GRM8: variants seen among roughly 807,000 people sequenced by gnomAD.
GRM8 encodes metabotropic glutamate receptor 8.
In GRM8, 47 loss-of-function variants were observed where a neutral mutation model predicts 87.2. The ratio of observed to expected loss-of-function variants is 0.54; its 90% CI spans 0.43 to 0.69. GRM8 has a LOEUF of 0.69. GRM8 is among the 30% of genes least tolerant of loss of function. The pLI, the probability that GRM8 is intolerant of heterozygous loss-of-function variation, is 0.00. For synonymous variants in GRM8, 396 were observed against 404.5 expected, an observed-to-expected ratio of 0.98 and a Z score of 0.25; for missense variants, 1,019 against 1,139.2, an observed-to-expected ratio of 0.89 and a Z score of 1.52.
intron 2 of GRM8, among the ~76,000 whole-genome samples, chr7:127,205,033 G>A (rs947017494): frequency 2.0e-4 from 30 of 152,298 alleles, no homozygotes; most frequent in Admixed American, 4.6e-4. Context: ...AATAGCCTTC[G>A]CCTTTTCCAT....
At chr7:126,458,286 T>A (rs886123944) in intron 9 of GRM8, among the ~76,000 whole-genome samples, 8 of 151,336 alleles carry the variant, frequency 5.3e-5, no homozygotes, top group Admixed American at 2.0e-4. Flanking sequence ...TGATTTTAAA[T>A]TGTATTCTCA....
intron 2 of GRM8, among the ~76,000 whole-genome samples, chr7:127,238,032 C>A (rs138440438): frequency 6.6e-6 from 1 of 152,048 alleles, no homozygotes; most frequent in Non-Finnish European, 1.5e-5. Context: ...TTTCCAAAGA[C>A]CCTCTCCTTT....
At chr7:127,114,908 C>T (rs1162182726) in intron 2 of GRM8, among the ~76,000 whole-genome samples, 1 of 152,042 alleles carries the variant, frequency 6.6e-6, no homozygotes, top group Admixed American at 6.6e-5. Flanking sequence ...GGACTATTTT[C>T]AAGGCAGGAG....
At chr7:126,591,849 CT>C in intron 8 of GRM8, among the ~76,000 whole-genome samples, 1 of 151,130 alleles carries the variant, frequency 6.6e-6, no homozygotes, top group East Asian at 1.9e-4. Context: ...GAGTTGGTTT[CT>C]GGAAAAGATT....
At chr7:126,870,891 A>T (rs1467753726) in intron 6 of GRM8, among the ~76,000 whole-genome samples, 2 of 152,126 alleles carry the variant, frequency 1.3e-5, no homozygotes, top group African/African-American at 4.8e-5. Flanking sequence ...AAATGCAAAA[A>T]CTGCAAAGTA....
rs1811478660 is a variant in GRM8 at position 126,714,314 on chromosome 7, TAATAATAATAAA to T, written c.1357+55539_1357+55550del. ...ATAATAATAATAATAATAATAATAA[TAATAATAATAAA>T]TAGTATCTACCTACAAAGTGCTTAC... On this transcript the variant is annotated intron_variant, in intron 7 of 10. Coordinates refer to ENST00000339582, the MANE Select transcript of GRM8 (RefSeq NM_000845.3). Among the ~76,000 whole-genome samples, 3 of 146,638 alleles carry T rather than the reference TAATAATAATAAA, an allele frequency of 2.0e-5. No homozygotes were observed. The South Asian group carries it at 6.4e-4, about 31-fold the overall frequency.
At chr7:127,199,709 G>A (rs1272136801) in intron 2 of GRM8, among the ~76,000 whole-genome samples, 1 of 152,134 alleles carries the variant, frequency 6.6e-6, no homozygotes, top group Admixed American at 6.5e-5. Context: ...GATGCAAATT[G>A]TGCCTCCTTT....
At chr7:126,936,014 C>A (rs968744266) in intron 3 of GRM8, among the ~76,000 whole-genome samples, 2 of 152,162 alleles carry the variant, frequency 1.3e-5, no homozygotes, top group Admixed American at 6.5e-5. Context: ...CAAACATTAC[C>A]ACTACCAAGC....
intron 9 of GRM8, among the ~76,000 whole-genome samples, chr7:126,530,178 A>T (rs774134612): frequency 6.6e-6 from 1 of 152,224 alleles, no homozygotes; most frequent in Non-Finnish European, 1.5e-5. Context: ...AAACTTTTCA[A>T]CTAAGTTTAG....
chr7:126,792,254 G>T lies in GRM8; in HGVS notation c.1157-22189C>A, dbSNP rs969342092. On this transcript the variant is annotated intron_variant, in intron 6 of 10. Coordinates refer to ENST00000339582, the MANE Select transcript of GRM8 (RefSeq NM_000845.3). The stretch of plus-strand genomic sequence containing the variant: ...TAAAAGAACATCACGGTGAATGCTT[G>T]TGCTCTCTTTTAACCAATAGCTATT... Among the ~76,000 whole-genome samples, 3 of 152,304 alleles carry T rather than the reference G, an allele frequency of 2.0e-5. No individual in the cohort carries two copies. The East Asian group carries it at 5.8e-4, about 29-fold the overall frequency.
intron 2 of GRM8, among the ~76,000 whole-genome samples, chr7:127,198,276 A>G (rs1290088810): frequency 1.9e-4 from 29 of 152,194 alleles, no homozygotes; most frequent in Non-Finnish European, 4.0e-4. Flanking sequence ...TTACTGTGCT[A>G]TTGAATACTA....
In GRM8 at chr7:126,640,432, G is replaced by C. The variant is rs116542504; in HGVS notation, c.1358-30934C>G. ...TTATTTTCTAGAATTATATCAATGAGCTAGATTGATGTTTGAGATGAAATC... is the reference window on the plus strand; with the variant it reads ...TTATTTTCTAGAATTATATCAATGACCTAGATTGATGTTTGAGATGAAATC... On this transcript the variant is annotated intron_variant, in intron 7 of 10. Transcript: ENST00000339582. 6.7e-3 allele frequency among the ~76,000 whole-genome samples: 1,026 copies of C among 152,280 alleles called. 13 individuals carry two copies. The highest frequency in any genetic ancestry group is 0.023 in the African/African-American group (973 of 41,568).
chr7:126,518,879 G>C (rs1443942716), intron 9 of GRM8, among the ~76,000 whole-genome samples: 1 of 151,956 alleles, frequency 6.6e-6, no homozygotes, highest in Non-Finnish European at 1.5e-5. Flanking sequence ...CTTGAGGTAA[G>C]AGGACAAGAT....
chr7:126,688,917 T>C (rs1011768683), intron 7 of GRM8, among the ~76,000 whole-genome samples: 2 of 152,184 alleles, frequency 1.3e-5, no homozygotes, highest in African/African-American at 4.8e-5. Context: ...TTTTTGATGG[T>C]GTTACAGTGC....
chr7:127,199,081 T>C (rs1022288146), intron 2 of GRM8, among the ~76,000 whole-genome samples: 1 of 152,072 alleles, frequency 6.6e-6, no homozygotes, highest in African/African-American at 2.4e-5. Flanking sequence ...CCTCAGGTGA[T>C]CCATCTGCCT....
At chr7:126,578,514 C>A (rs544161438) in intron 8 of GRM8, among the ~76,000 whole-genome samples, 1 of 152,238 alleles carries the variant, frequency 6.6e-6, no homozygotes, top group South Asian at 2.1e-4. Flanking sequence ...AGGGCAGAGG[C>A]AGCCACAAAG....
At chr7:126,762,446 A>G (rs1299341654) in intron 7 of GRM8, among the ~76,000 whole-genome samples, 1 of 152,004 alleles carries the variant, frequency 6.6e-6, no homozygotes, top group Non-Finnish European at 1.5e-5. Context: ...AGTCAACACC[A>G]TTATATAGTG....
In GRM8 at chr7:126,609,382, T is replaced by C; in HGVS notation, c.1474A>G (p.Thr492Ala). 1.2e-6 allele frequency: 2 copies of C among 1,613,690 alleles called. No homozygotes were observed. Among genetic ancestry groups the C allele is most frequent in the Non-Finnish European group, 1.7e-6 (2 of 1,179,612 alleles). Residue 492 changes from threonine (T) to alanine (A), a missense_variant, in exon 8 of 11, where the codon ACC becomes GCC. By Grantham distance (58) the Thr-to-Ala change is moderately conservative (BLOSUM62 0). Transcript: ENST00000339582. ...CTTGCTTTTAGATGAAGCTGATTGG[T>C]CCAGTGGCCGATGACTTTGTACTCT... ...STEYKVIGHW[T>A]NQLHLKVEDM...
rs528132017 is a variant in GRM8, at chr7:126,949,312, A to G, written c.728-44629T>C. On this transcript the variant is annotated intron_variant, in intron 3 of 10. Transcript: ENST00000339582. ...CCAGAGACCTCGAAGACAAAACATT[A>G]CATTTAAAGGCCTCTTCCCTGATCC... Among the ~76,000 whole-genome samples, 6 of 152,298 alleles carry G rather than the reference A, an allele frequency of 3.9e-5. No individual in the cohort carries two copies. The East Asian group carries it at 1.2e-3, about 29-fold the overall frequency.
Sources: allele counts gnomAD v4.1 joint callset (sites outside exome capture counted in the v4.1 genomes callset), GRCh38; gene constraint gnomAD v4.1.1; transcripts MANE v1.5; gene names NCBI Gene and HGNC (gene_info 2026-07-23, HGNC 2026-07-21).